The following GLI3 variants were observed in gnomAD, a reference collection of about 807,000 sequenced individuals.
GLI3 encodes GLI family zinc finger 3, also known as transcription activator GLI3.
A neutral mutation model predicts 100.8 loss-of-function variants in GLI3; 20 were observed. The observed-to-expected ratio is 0.20, with a 90% CI of 0.14 to 0.29. The LOEUF is 0.29. GLI3 is among the 10% of genes least tolerant of loss of function. The probability of loss-of-function intolerance (pLI) is 1.00; values close to 1 mark genes in which losing one functional copy is unlikely to be tolerated. For synonymous variants in GLI3, 938 were observed against 860.5 expected (o/e 1.09, Z -1.58); for missense variants, 2,040 against 2,128.5 (o/e 0.96, Z 0.82).
intron 3 of GLI3, among the ~76,000 whole-genome samples, chr7:42,139,233 CTG>C (rs1190061049): frequency 6.6e-6 from 1 of 152,042 alleles, no homozygotes; most frequent in African/African-American, 2.4e-5. Context: ...ATACAGAACA[CTG>C]TTAATTCTTT....
At chr7:41,994,243 G>T (rs1351458145) in intron 10 of GLI3, among the ~76,000 whole-genome samples, 2 of 152,200 alleles carry the variant, frequency 1.3e-5, no homozygotes, top group Non-Finnish European at 2.9e-5. Flanking sequence ...TGGGCCCCTA[G>T]CTATTGTTCT....
chr7:41,976,867 G>T (rs1787527307), intron 12 of GLI3, among the ~76,000 whole-genome samples: 1 of 152,118 alleles, frequency 6.6e-6, no homozygotes, highest in African/African-American at 2.4e-5. Flanking sequence ...CAATGAATTT[G>T]GAATAATTTT....
chr7:42,247,211 A>C (rs1295771524), intron 1 of GLI3, among the ~76,000 whole-genome samples: 1 of 152,194 alleles, frequency 6.6e-6, no homozygotes, highest in Non-Finnish European at 1.5e-5. Context: ...TTTAACTAAA[A>C]ATATAAACTC....
At chr7:41,982,889 T>C (rs986793141) in intron 10 of GLI3, among the ~76,000 whole-genome samples, 1 of 152,090 alleles carries the variant, frequency 6.6e-6, no homozygotes, top group African/African-American at 2.4e-5. Flanking sequence ...ATCTGTAAAA[T>C]TAGAGTAATG....
intron 2 of GLI3, among the ~76,000 whole-genome samples, chr7:42,219,502 G>T (rs1055216703): frequency 6.6e-6 from 1 of 151,824 alleles, no homozygotes; most frequent in Non-Finnish European, 1.5e-5. Flanking sequence ...AGTGGCAAAT[G>T]CTTCTTTAAA....
intron 2 of GLI3, among the ~76,000 whole-genome samples, chr7:42,192,611 G>C (rs1445554108): frequency 1.3e-5 from 2 of 152,176 alleles, no homozygotes; most frequent in Admixed American, 1.3e-4. Flanking sequence ...AAGAGAGATG[G>C]GGGCGCTGGA....
At chr7:42,254,613 T>C (rs962528675) in intron 1 of GLI3, among the ~76,000 whole-genome samples, 3 of 152,260 alleles carry the variant, frequency 2.0e-5, no homozygotes, top group Non-Finnish European at 4.4e-5. Flanking sequence ...TGGCTGATCC[T>C]TGATCTGTAG....
intron 3 of GLI3, chr7:42,118,420 G>T (rs537105411): frequency 5.0e-6 from 2 of 397,660 alleles, no homozygotes; most frequent in South Asian, 1.3e-4. Context: ...GCAGTGCCAT[G>T]ACTCAAAATG....
intron 4 of GLI3, among the ~76,000 whole-genome samples, chr7:42,051,747 C>CCT (rs1583511937): frequency 2.0e-5 from 3 of 152,144 alleles, no homozygotes. Context: ...TCCCATATAA[C>CCT]CCCCACCCCC....
At chr7:42,133,320 A>G (rs1404262043) in intron 3 of GLI3, among the ~76,000 whole-genome samples, 1 of 152,202 alleles carries the variant, frequency 6.6e-6, no homozygotes, top group Non-Finnish European at 1.5e-5. Flanking sequence ...AGATATCATT[A>G]GCTAAATGAG....
At chr7:42,043,985 A>G (rs1562700552) in intron 6 of GLI3, among the ~76,000 whole-genome samples, 1 of 152,222 alleles carries the variant, frequency 6.6e-6, no homozygotes, top group African/African-American at 2.4e-5. Context: ...GACGTAACAC[A>G]TTTCTTTTAC....
chr7:42,152,453 T>G, intron 2 of GLI3: 3 of 982,760 alleles, frequency 3.1e-6, no homozygotes, highest in Non-Finnish European at 3.6e-6. Context: ...GGTATCTCTC[T>G]GCCTCCCTCT....
At chr7:42,054,698 T>A (rs552905120) in intron 4 of GLI3, among the ~76,000 whole-genome samples, 1 of 152,224 alleles carries the variant, frequency 6.6e-6, no homozygotes, top group East Asian at 1.9e-4. Flanking sequence ...AAAAATTTGC[T>A]TTTGTCCCAG....
intron 10 of GLI3, among the ~76,000 whole-genome samples, chr7:41,987,089 G>GAC (rs1452930347): frequency 4.7e-4 from 36 of 76,196 alleles, no homozygotes; most frequent in African/African-American, 1.8e-3. Context: ...AACATACACA[G>GAC]ACACAGACAC....
chr7:42,152,420 G>A (rs1012681241), intron 2 of GLI3: 6 of 985,276 alleles, frequency 6.1e-6, no homozygotes, highest in African/African-American at 5.2e-5. Context: ...CTCTAGCTGC[G>A]CAGACCCTCT....
intron 7 of GLI3, 38 bp downstream of exon 7, chr7:42,040,000 A>T: frequency 1.3e-6 from 2 of 1,490,334 alleles, no homozygotes; most frequent in Non-Finnish European, 9.4e-7. Context: ...CTGACATTAC[A>T]TTTAAAAAAC....
chr7:42,098,473 T>A (rs185070282), intron 3 of GLI3, among the ~76,000 whole-genome samples: 1 of 152,156 alleles, frequency 6.6e-6, no homozygotes, highest in South Asian at 2.1e-4. Flanking sequence ...TCCTATTCGA[T>A]GTACAGCAGA....
intron 3 of GLI3, among the ~76,000 whole-genome samples, chr7:42,087,828 A>C (rs947057164): frequency 6.6e-6 from 1 of 152,070 alleles, no homozygotes; most frequent in Non-Finnish European, 1.5e-5. Flanking sequence ...CACTGGGAGC[A>C]TTAAAAGGCT....
chr7:42,132,074 A>ATTATTTATTTATTTAT lies in GLI3; in HGVS notation c.367+16136_367+16151dup, dbSNP rs57779364. Among the ~76,000 whole-genome samples the ATTATTTATTTATTTAT allele has an allele frequency of 3.8e-3, 571 of 151,084 alleles. 2 individuals carry two copies. Among genetic ancestry groups the ATTATTTATTTATTTAT allele is most frequent in the Middle Eastern group, 0.017 (5 of 294 alleles). On this transcript the variant is annotated intron_variant, in intron 3 of 14. Transcript: ENST00000395925. ...TCCATTCCAGGGTCTTCAGGACTTCATTATTTATTTATTTATTTATTTATT... is the reference window on the plus strand; with the variant it reads ...TCCATTCCAGGGTCTTCAGGACTTCATTATTTATTTATTTATTTATTTATTTATTTATTTATTTATT...
Sources: allele counts gnomAD v4.1 joint callset (sites outside exome capture counted in the v4.1 genomes callset), GRCh38; gene constraint gnomAD v4.1.1; transcripts MANE v1.5; gene names NCBI Gene and HGNC (gene_info 2026-07-23, HGNC 2026-07-21).